Variants in PDE4D observed in about 807,000 individuals in gnomAD.
PDE4D encodes phosphodiesterase 4D.
Under a neutral mutation model 87.4 loss-of-function variants are expected in PDE4D, and 24 were observed. That is an observed-to-expected ratio of 0.27 (90% CI 0.20 to 0.39). The LOEUF (loss-of-function observed/expected upper bound fraction) is 0.39, where lower values mean the gene tolerates loss of function less well. Ranked by LOEUF, PDE4D falls within the 10% of genes least tolerant of loss-of-function variation. The probability of loss-of-function intolerance (pLI) is 1.00; values close to 1 mark genes in which losing one functional copy is unlikely to be tolerated. For missense variants in PDE4D, 714 were observed against 1,041.0 expected, an observed-to-expected ratio of 0.69 and a Z score of 4.32; for synonymous variants, 384 against 383.2, an observed-to-expected ratio of 1.00 and a Z score of -0.02.
At chr5:59,604,769 A>C (rs1222592668) in intron 1 of PDE4D, among the ~76,000 whole-genome samples, 1 of 152,068 alleles carries the variant, frequency 6.6e-6, no homozygotes, top group Non-Finnish European at 1.5e-5. Flanking sequence ...AAATATGCAG[A>C]TTGTGAGGGG....
rs967821775 is a variant in PDE4D, at chr5:59,377,948, G to T, written c.456-161980C>A. ...TACTGGGTGTATACCCAAAGGAATA[G>T]AAATTATTCTATTATAATGACACAG... On this transcript the variant is annotated intron_variant, in intron 1 of 14. Transcript: ENST00000340635. Among the ~76,000 whole-genome samples the T allele has an allele frequency of 6.6e-5, 10 of 152,264 alleles. 1 individual carries two copies. The highest frequency in any genetic ancestry group is 6.2e-4 in the South Asian group (3 of 4,826).
In PDE4D at chr5:58,973,404, T is replaced by TTTTC. The variant is rs1432100130; in HGVS notation, c.*1256_*1259dup. On this transcript the variant is annotated 3_prime_UTR_variant, in exon 15 of 15. Coordinates refer to ENST00000340635, the MANE Select transcript of PDE4D (RefSeq NM_001104631.2). The stretch of plus-strand genomic sequence containing the variant: ...TAAAGCAGCACAAGGGGAAAAACCT[T>TTTTC]TTTCTTACTATAACTGGCTGTAAAA... The TTTTC allele has an allele frequency of 6.6e-6, 1 of 151,054 alleles. No homozygotes were observed. The highest frequency in any genetic ancestry group is 1.5e-5 in the Non-Finnish European group (1 of 67,136). 9.4% of individuals were successfully genotyped at this position (151,054 alleles called of 1,614,324 possible).
intron 1 of PDE4D, among the ~76,000 whole-genome samples, chr5:59,810,879 A>T (rs1768279710): frequency 6.6e-6 from 1 of 152,218 alleles, no homozygotes; most frequent in East Asian, 1.9e-4. Flanking sequence ...TTGTATCTTT[A>T]TTGATCTTGA....
rs577421853 is a variant in PDE4D at position 60,027,747 on chromosome 5, G to A, written c.43-39030C>T. On this transcript the variant is annotated intron_variant, in intron 2 of 16. Coordinates refer to the PDE4D transcript ENST00000502484. ...GATTAAATAAATGAATCTCAATACAGCAAAACCTTGTCCATTAGTGCTGGA... is the reference window on the plus strand; with the variant it reads ...GATTAAATAAATGAATCTCAATACAACAAAACCTTGTCCATTAGTGCTGGA... Among the ~76,000 whole-genome samples the A allele has an allele frequency of 7.2e-5, 11 of 152,304 alleles. No individual in the cohort carries two copies. The South Asian group carries it at 1.2e-3, about 17-fold the overall frequency.
At chr5:60,444,735 T>C (rs1001465932) in intron 1 of PDE4D, among the ~76,000 whole-genome samples, 5 of 151,386 alleles carry the variant, frequency 3.3e-5, no homozygotes, top group Admixed American at 6.6e-5. Context: ...AGGGTGGGGA[T>C]GTGGAAGAGT....
At chr5:59,272,122 ATC>A (rs1438944369) in intron 1 of PDE4D, among the ~76,000 whole-genome samples, 1 of 152,022 alleles carries the variant, frequency 6.6e-6, no homozygotes, top group East Asian at 1.9e-4. Context: ...GAACAGTAGC[ATC>A]TCTTTTATTT....
intron 2 of PDE4D, among the ~76,000 whole-genome samples, chr5:60,131,079 G>A (rs902140747): frequency 6.6e-6 from 1 of 152,040 alleles, no homozygotes; most frequent in Non-Finnish European, 1.5e-5. Context: ...ACACCCTCAA[G>A]GTTTTCCAAA....
At chr5:60,104,177 G>A (rs1423901201) in intron 2 of PDE4D, among the ~76,000 whole-genome samples, 4 of 152,296 alleles carry the variant, frequency 2.6e-5, no homozygotes, top group Admixed American at 1.3e-4. Flanking sequence ...CTTTTCCCAC[G>A]GGCTAAAAAA....
At chr5:59,729,332 C>T (rs1757048470) in intron 1 of PDE4D, among the ~76,000 whole-genome samples, 1 of 151,994 alleles carries the variant, frequency 6.6e-6, no homozygotes, top group South Asian at 2.1e-4. Context: ...AAAGTTTGCA[C>T]CAGACCAACA....
At position 59,255,956 on chromosome 5, in the gene PDE4D, C is replaced by T. The variant is rs868433495; in HGVS notation, c.456-39988G>A. Reference sequence around the variant, plus strand: ...ATCAGTTGTTCAATCAGCCATATACCGATTGACATTTAGGCTTTCTCCAGT... The same window carrying T: ...ATCAGTTGTTCAATCAGCCATATACTGATTGACATTTAGGCTTTCTCCAGT... On this transcript the variant is annotated intron_variant, in intron 1 of 14. Coordinates refer to ENST00000340635, the MANE Select transcript of PDE4D (RefSeq NM_001104631.2). Among the ~76,000 whole-genome samples the T allele has an allele frequency of 7.2e-5, 11 of 152,004 alleles. 1 individual carries two copies. Among genetic ancestry groups the T allele is most frequent in the Admixed American group, 2.0e-4 (3 of 15,222 alleles).
At chr5:59,609,522 T>C (rs760588824) in intron 1 of PDE4D, among the ~76,000 whole-genome samples, 8 of 152,164 alleles carry the variant, frequency 5.3e-5, no homozygotes, top group Admixed American at 1.3e-4. Flanking sequence ...GGTCTGTGTA[T>C]GAAGTGCCCT....
chr5:59,487,191 T>C (rs1399059609), intron 1 of PDE4D, among the ~76,000 whole-genome samples: 1 of 152,032 alleles, frequency 6.6e-6, no homozygotes, highest in Non-Finnish European at 1.5e-5. Context: ...CAAAGGAGCG[T>C]CTAAGAAGAG....
intron 1 of PDE4D, among the ~76,000 whole-genome samples, chr5:59,822,522 G>T (rs1228489864): frequency 6.6e-6 from 1 of 152,088 alleles, no homozygotes; most frequent in African/African-American, 2.4e-5. Context: ...TTTAGAAAAA[G>T]TGAGTAGAGA....
chr5:59,799,456 G>T (rs1331200417), intron 1 of PDE4D, among the ~76,000 whole-genome samples: 2 of 152,186 alleles, frequency 1.3e-5, no homozygotes, highest in African/African-American at 4.8e-5. Context: ...TTTTTATTGG[G>T]TGTGTAAAGA....
intron 1 of PDE4D, chr5:60,460,778 T>C: frequency 1.7e-6 from 1 of 592,414 alleles, no homozygotes; most frequent in Non-Finnish European, 3.0e-6. Context: ...ACAAGTCTCC[T>C]TGCTCATCCG....
At chr5:59,284,070 C>T (rs1396979626) in intron 1 of PDE4D, among the ~76,000 whole-genome samples, 2 of 152,182 alleles carry the variant, frequency 1.3e-5, no homozygotes, top group African/African-American at 4.8e-5. Context: ...CTCTTGATCA[C>T]TTTCAGATCT....
intron 1 of PDE4D, among the ~76,000 whole-genome samples, chr5:60,208,496 C>T (rs1384236783): frequency 6.6e-6 from 1 of 152,134 alleles, no homozygotes; most frequent in East Asian, 1.9e-4. Flanking sequence ...TATGGGTGCA[C>T]AGCCCCTTAA....
At chr5:60,362,800 A>T (rs750598253) in intron 1 of PDE4D, among the ~76,000 whole-genome samples, 1 of 151,900 alleles carries the variant, frequency 6.6e-6, no homozygotes, top group Non-Finnish European at 1.5e-5. Context: ...TGAAAGTTGC[A>T]GTGAGCTGAG....
chr5:59,982,709 T>C (rs911892577), intron 3 of PDE4D, among the ~76,000 whole-genome samples: 3 of 152,180 alleles, frequency 2.0e-5, no homozygotes, highest in African/African-American at 4.8e-5. Context: ...TACAGACTTC[T>C]GAACAGAAAT....
Sources: allele counts gnomAD v4.1 joint callset (sites outside exome capture counted in the v4.1 genomes callset), GRCh38; gene constraint gnomAD v4.1.1; transcripts MANE v1.5; gene names NCBI Gene and HGNC (gene_info 2026-07-23, HGNC 2026-07-21).